Variants in MYBL1 observed in about 807,000 individuals in gnomAD.
The protein encoded by MYBL1 is myb-related protein A.
MYBL1 carries 17 observed loss-of-function variants against 96.3 expected under a neutral mutation model. That is an observed-to-expected ratio of 0.18 (90% CI 0.12 to 0.26). The LOEUF (loss-of-function observed/expected upper bound fraction) is 0.26, where lower values mean the gene tolerates loss of function less well. Ranked by LOEUF, MYBL1 falls within the 10% of genes least tolerant of loss-of-function variation. The pLI is 1.00. For synonymous variants in MYBL1, 282 were observed against 292.7 expected, an observed-to-expected ratio of 0.96 and a Z score of 0.37; for missense variants, 701 against 882.9, an observed-to-expected ratio of 0.79 and a Z score of 2.61.
chr8:66,572,784 TAGAAAA>T (rs1420513825), intron 11 of MYBL1, among the ~76,000 whole-genome samples, 188 bp from the exon 12 acceptor site: 1 of 151,682 alleles, frequency 6.6e-6, no homozygotes, highest in African/African-American at 2.4e-5. Flanking sequence ...CATCTTAAAA[TAGAAAA>T]AAAGAATTAA....
At chr8:66,579,013 A>T (rs1268160275) in intron 9 of MYBL1, among the ~76,000 whole-genome samples, 13 of 152,166 alleles carry the variant, frequency 8.5e-5, no homozygotes, top group African/African-American at 2.4e-4. Context: ...TCTCACTCAT[A>T]AATGGGAATT....
At chr8:66,588,280 T>C (rs920896199) in intron 8 of MYBL1, among the ~76,000 whole-genome samples, 1 of 147,346 alleles carries the variant, frequency 6.8e-6, no homozygotes, top group Non-Finnish European at 1.5e-5. Context: ...TGAATCTCTT[T>C]TTTTTTTTTT....
intron 1 of MYBL1, among the ~76,000 whole-genome samples, chr8:66,608,279 T>C (rs912913592): frequency 2.6e-5 from 4 of 152,208 alleles, no homozygotes; most frequent in Non-Finnish European, 5.9e-5. Context: ...AGCATGGTCA[T>C]CAGTTTCAGA....
chr8:66,576,020 A>T lies in MYBL1; in HGVS notation c.1457T>A (p.Phe486Tyr). The T allele has an allele frequency of 6.2e-7, 1 of 1,611,932 alleles. No individual in the cohort carries two copies. Among genetic ancestry groups the T allele is most frequent in the Non-Finnish European group, 8.5e-7 (1 of 1,178,392 alleles). ...GAACACCACTACCTGTGAAGGAGAA[A>T]ATGGTAGTGTTTTCAGTGGTGTATG... ...LKHTPLKTLP[F>Y]SPSQFFNTCP... Residue 486 changes from phenylalanine to tyrosine, a missense_variant, in exon 10 of 16, where the codon TTT (phenylalanine) becomes TAT (tyrosine). Phe to Tyr is a conservative substitution (Grantham distance 22, BLOSUM62 3). Transcript: ENST00000522677.
At chr8:66,601,880 A>G in intron 2 of MYBL1, 111 bp from the exon 3 acceptor site, 1 of 491,620 alleles carries the variant, frequency 2.0e-6, no homozygotes, top group Non-Finnish European at 3.7e-6. Flanking sequence ...CCATAGAATA[A>G]CTAAAGCCAC....
chr8:66,598,862 G>T (rs1299448609), intron 4 of MYBL1, among the ~76,000 whole-genome samples, 188 bp downstream of exon 4: 1 of 152,000 alleles, frequency 6.6e-6, no homozygotes, highest in Non-Finnish European at 1.5e-5. Flanking sequence ...TGTTATACTT[G>T]GTTTGACTCA....
At chr8:66,594,371 C>T (rs1389998072) in intron 6 of MYBL1, among the ~76,000 whole-genome samples, 1 of 151,950 alleles carries the variant, frequency 6.6e-6, no homozygotes, top group African/African-American at 2.4e-5. Context: ...GTATTTTAAA[C>T]CCATCTATTC....
rs145646290 is a variant in MYBL1 at position 66,600,396 on chromosome 8, C to T, written c.199-1254G>A. 1.6e-4 allele frequency among the ~76,000 whole-genome samples: 24 copies of T among 152,292 alleles called. No individual in the cohort carries two copies. The East Asian group carries it at 2.9e-3, about 18-fold the overall frequency. On this transcript the variant is annotated intron_variant, in intron 3 of 15. Coordinates refer to ENST00000522677, the MANE Select transcript of MYBL1 (RefSeq NM_001080416.4). ...TTCATTTATGGCTTCTGTACACCAACGCTAATCCATTTTAAGGCTGACACT... is the reference window on the plus strand; with the variant it reads ...TTCATTTATGGCTTCTGTACACCAATGCTAATCCATTTTAAGGCTGACACT...
At chr8:66,601,268 T>A (rs905489339) in intron 3 of MYBL1, among the ~76,000 whole-genome samples, 1 of 150,814 alleles carries the variant, frequency 6.6e-6, no homozygotes, top group Admixed American at 6.6e-5. Flanking sequence ...TGAATAGTAG[T>A]ATGGTAAACA....
intron 8 of MYBL1, among the ~76,000 whole-genome samples, chr8:66,581,368 A>AGAG (rs1809204225): frequency 1.3e-5 from 2 of 152,174 alleles, no homozygotes; most frequent in Admixed American, 6.6e-5. Context: ...CAAAATTCAA[A>AGAG]GACAGAATTC....
At chr8:66,585,190 G>A (rs1443493848) in intron 8 of MYBL1, among the ~76,000 whole-genome samples, 1 of 152,106 alleles carries the variant, frequency 6.6e-6, no homozygotes, top group Non-Finnish European at 1.5e-5. Context: ...GCATGGTACT[G>A]GAACAGAATA....
At chr8:66,611,650 A>C (rs1810531780) in intron 1 of MYBL1, among the ~76,000 whole-genome samples, 1 of 152,210 alleles carries the variant, frequency 6.6e-6, no homozygotes, top group East Asian at 1.9e-4. Context: ...GTACACATTT[A>C]TTTCATCTCA....
At chr8:66,595,431 A>C (rs1473278350) in intron 6 of MYBL1, among the ~76,000 whole-genome samples, 152 bp downstream of exon 6, 1 of 152,188 alleles carries the variant, frequency 6.6e-6, no homozygotes, top group Non-Finnish European at 1.5e-5. Flanking sequence ...ATTTGTTCTC[A>C]AAATATTTAT....
intron 1 of MYBL1, among the ~76,000 whole-genome samples, chr8:66,606,144 A>T (rs1240299123): frequency 6.6e-6 from 1 of 152,236 alleles, no homozygotes; most frequent in Non-Finnish European, 1.5e-5. Flanking sequence ...TTGGAATCAG[A>T]ACAAGGTTCT....
chr8:66,612,604 C>A (rs796997058), intron 1 of MYBL1: 31 of 443,476 alleles, frequency 7.0e-5, no homozygotes, highest in African/African-American at 6.1e-4. Flanking sequence ...ACCTGGGCAT[C>A]TCTTACGTCC....
chr8:66,587,717 A>G (rs1487724323), intron 8 of MYBL1, among the ~76,000 whole-genome samples: 1 of 152,204 alleles, frequency 6.6e-6, no homozygotes, highest in Non-Finnish European at 1.5e-5. Flanking sequence ...TTCTGAGATG[A>G]TGAAAATGTT....
At chr8:66,586,251 G>A (rs1007580200) in intron 8 of MYBL1, among the ~76,000 whole-genome samples, 4 of 151,864 alleles carry the variant, frequency 2.6e-5, no homozygotes, top group Non-Finnish European at 4.4e-5. Flanking sequence ...TCACCATGTT[G>A]CCCAGGCTGG....
chr8:66,580,080 G>A, intron 9 of MYBL1, 53 bp downstream of exon 9: 1 of 1,319,406 alleles, frequency 7.6e-7, no homozygotes, highest in Non-Finnish European at 1.1e-6. Context: ...TTCTGAGCAT[G>A]AAATCATATA....
At chr8:66,585,454 T>G (rs1346355501) in intron 8 of MYBL1, among the ~76,000 whole-genome samples, 1 of 152,142 alleles carries the variant, frequency 6.6e-6, no homozygotes. Context: ...GAAGAAAACA[T>G]AAAGGCTGGG....
Sources: allele counts gnomAD v4.1 joint callset (sites outside exome capture counted in the v4.1 genomes callset), GRCh38; gene constraint gnomAD v4.1.1; transcripts MANE v1.5; gene names NCBI Gene and HGNC (gene_info 2026-07-23, HGNC 2026-07-21).